LRIG1: variants seen among roughly 807,000 people sequenced by gnomAD.
The protein encoded by LRIG1 is leucine rich repeats and immunoglobulin like domains 1, also known as leucine-rich repeats and immunoglobulin-like domains protein 1.
In LRIG1, 48 loss-of-function variants were observed where a neutral mutation model predicts 99.2. The ratio of observed to expected loss-of-function variants is 0.48; its 90% CI spans 0.38 to 0.62. The LOEUF (loss-of-function observed/expected upper bound fraction) is 0.62. LRIG1 is among the 20% of genes least tolerant of loss of function. LRIG1 has a pLI of 0.00. For missense variants in LRIG1, 1,646 were observed against 1,434.4 expected (o/e 1.15, Z -2.38); for synonymous variants, 772 against 596.1 (o/e 1.29, Z -4.30).
Position 66,385,397 on chromosome 3 carries a change from T to C in LRIG1, c.1789+584A>G, listed in dbSNP as rs1351026669. ...TTTGGAAGCCAGATCTCTTGGCTTA[T>C]AGAGGATAAGAACTGGACAAAACAA... On this transcript the variant is annotated intron_variant, in intron 13 of 18. Transcript: ENST00000273261. Among the ~76,000 whole-genome samples, 7 of 152,348 alleles carry C rather than the reference T, an allele frequency of 4.6e-5. 1 individual carries two copies. The South Asian group carries it at 1.0e-3, about 23-fold the overall frequency.
chr3:66,478,297 A>G (rs78105718), intron 1 of LRIG1, among the ~76,000 whole-genome samples: 1 of 152,364 alleles, frequency 6.6e-6, no homozygotes, highest in Non-Finnish European at 1.5e-5. Flanking sequence ...GGGGCAGAAA[A>G]TAACAGTTAA....
chr3:66,387,050 G>A (rs1235444292), intron 12 of LRIG1: 5 of 148,418 alleles, frequency 3.4e-5, no homozygotes, highest in African/African-American at 5.0e-5. Flanking sequence ...CCCATTCACA[G>A]GATTTGCATT....
At chr3:66,420,369 G>T (rs1452489336) in intron 3 of LRIG1, among the ~76,000 whole-genome samples, 1 of 152,230 alleles carries the variant, frequency 6.6e-6, no homozygotes, top group African/African-American at 2.4e-5. Flanking sequence ...TGGTAGAAAT[G>T]TAAAACGGTG....
intron 15 of LRIG1, 28 bp from the exon 16 acceptor site, chr3:66,382,426 C>CCAGG (rs1701132159): frequency 5.0e-6 from 8 of 1,613,870 alleles, no homozygotes; most frequent in Non-Finnish European, 6.8e-6. Context: ...AAATAGAACA[C>CCAGG]CAGGGTCTCA....
intron 9 of LRIG1, chr3:66,404,505 C>A: frequency 2.1e-6 from 2 of 964,460 alleles, no homozygotes; most frequent in Non-Finnish European, 2.6e-6. Context: ...GGGAAGGGAA[C>A]GTGGGCTTTG....
intron 2 of LRIG1, among the ~76,000 whole-genome samples, chr3:66,459,189 T>C (rs1455989564): frequency 6.6e-6 from 1 of 152,056 alleles, no homozygotes; most frequent in Non-Finnish European, 1.5e-5. Flanking sequence ...AAGGTGGGAG[T>C]GCTCAGTTCT....
chr3:66,494,844 G>C lies in LRIG1; in HGVS notation c.218+5346C>G, dbSNP rs1701192149. ...CCATTCATTTTGCTTAATAAGAATG[G>C]TCATGTATCAAGTATTTCAGCAAAA... On this transcript the variant is annotated intron_variant, in intron 1 of 18. Transcript: ENST00000273261. Among the ~76,000 whole-genome samples the C allele has an allele frequency of 2.6e-5, 4 of 152,134 alleles. No individual in the cohort carries two copies. The South Asian group carries it at 8.3e-4, about 31-fold the overall frequency.
At chr3:66,412,020 T>A (rs939711507) in intron 6 of LRIG1, among the ~76,000 whole-genome samples, 1 of 152,210 alleles carries the variant, frequency 6.6e-6, no homozygotes, top group Non-Finnish European at 1.5e-5. Context: ...CAAATTACTT[T>A]TGATTAAAAA....
chr3:66,452,906 G>C (rs1442317569), intron 2 of LRIG1, among the ~76,000 whole-genome samples: 1 of 152,158 alleles, frequency 6.6e-6, no homozygotes, highest in African/African-American at 2.4e-5. Flanking sequence ...AGGCAGATCC[G>C]TATCATGTGG....
chr3:66,462,800 C>T (rs1419793858), intron 1 of LRIG1, among the ~76,000 whole-genome samples: 1 of 152,168 alleles, frequency 6.6e-6, no homozygotes, highest in Non-Finnish European at 1.5e-5. Context: ...CAGCTCCCTA[C>T]CTACATTAAG....
chr3:66,492,520 T>C (rs1010919940), intron 1 of LRIG1, among the ~76,000 whole-genome samples: 1 of 152,192 alleles, frequency 6.6e-6, no homozygotes. Flanking sequence ...CTTCACTCAT[T>C]TCCTTCATTT....
At chr3:66,381,733 A>C in intron 16 of LRIG1, 102 bp from the exon 17 acceptor site, 1 of 1,350,162 alleles carries the variant, frequency 7.4e-7, no homozygotes. Flanking sequence ...CATTTTTTTT[A>C]AAAAGTTCTT....
chr3:66,439,107 G>C (rs915762597), intron 3 of LRIG1, among the ~76,000 whole-genome samples: 1 of 152,186 alleles, frequency 6.6e-6, no homozygotes, highest in Non-Finnish European at 1.5e-5. Flanking sequence ...AGCCTAGCCC[G>C]TGAGGAAAGC....
chr3:66,469,190 T>G (rs939335791), intron 1 of LRIG1: 3 of 152,198 alleles, frequency 2.0e-5, no homozygotes, highest in African/African-American at 7.2e-5. Context: ...CAGCCACATA[T>G]TCCCTATGGC....
In LRIG1 at chr3:66,392,912, C is replaced by G. The variant is rs557365833; in HGVS notation, c.1468+1128G>C. 1.7e-4 allele frequency among the ~76,000 whole-genome samples: 26 copies of G among 152,326 alleles called. No individual in the cohort carries two copies. The East Asian group carries it at 3.7e-3, about 21-fold the overall frequency. ...AGCTGTGCGAGCATTAGATTCCACA[C>G]AGAAGGCTCCATAAGACAGATCGGT... On this transcript the variant is annotated intron_variant, in intron 12 of 18. Coordinates refer to ENST00000273261, the MANE Select transcript of LRIG1 (RefSeq NM_015541.3).
intron 9 of LRIG1, among the ~76,000 whole-genome samples, chr3:66,402,810 G>A (rs961504808): frequency 2.0e-5 from 3 of 152,152 alleles, no homozygotes; most frequent in Non-Finnish European, 2.9e-5. Context: ...CTCCCACAGA[G>A]CAACACAGTG....
intron 1 of LRIG1, among the ~76,000 whole-genome samples, chr3:66,485,172 G>C (rs1700943746): frequency 6.8e-6 from 1 of 148,012 alleles, no homozygotes; most frequent in Admixed American, 6.7e-5. Flanking sequence ...AAAAAAAAAA[G>C]GAAAAATTAT....
intron 3 of LRIG1, among the ~76,000 whole-genome samples, chr3:66,443,202 G>T (rs1703601439): frequency 6.6e-6 from 1 of 151,940 alleles, no homozygotes; most frequent in South Asian, 2.1e-4. Flanking sequence ...GTGGTATCCA[G>T]CATCTGATGA....
intron 3 of LRIG1, among the ~76,000 whole-genome samples, chr3:66,445,663 T>C (rs1050173776): frequency 1.3e-5 from 2 of 152,232 alleles, no homozygotes; most frequent in African/African-American, 4.8e-5. Context: ...AAACATCACA[T>C]GGAAAAATGT....
Sources: allele counts gnomAD v4.1 joint callset (sites outside exome capture counted in the v4.1 genomes callset), GRCh38; gene constraint gnomAD v4.1.1; transcripts MANE v1.5; gene names NCBI Gene and HGNC (gene_info 2026-07-23, HGNC 2026-07-21).